KLF12: variants seen among roughly 807,000 people sequenced by gnomAD.
The protein encoded by KLF12 is Krueppel-like factor 12.
In KLF12, 9 loss-of-function variants were observed where a neutral mutation model predicts 37.8. The observed-to-expected ratio is 0.24, with a 90% CI of 0.14 to 0.42. KLF12 has a LOEUF of 0.42. KLF12 is among the 10% of genes least tolerant of loss of function. The pLI is 1.00. For missense variants in KLF12, 411 were observed against 516.0 expected (o/e 0.80, Z 1.97); for synonymous variants, 208 against 202.1 (o/e 1.03, Z -0.25).
chr13:73,863,497 T>C (rs1269005653), intron 3 of KLF12, among the ~76,000 whole-genome samples: 1 of 152,192 alleles, frequency 6.6e-6, no homozygotes, highest in Non-Finnish European at 1.5e-5. Context: ...AATTATTAAA[T>C]GCACACTGCT....
intron 1 of KLF12, among the ~76,000 whole-genome samples, chr13:74,129,763 C>T (rs1369671697): frequency 1.3e-5 from 2 of 151,616 alleles, no homozygotes; most frequent in Admixed American, 6.6e-5. Flanking sequence ...AATCTACTGC[C>T]GACCAAAACA....
At chr13:74,172,780 A>T in the KLF12 span, among the ~76,000 whole-genome samples, 1 of 152,232 alleles carries the variant, frequency 6.6e-6, no homozygotes, top group African/African-American at 2.4e-5. Context: ...CAAGAAGAGC[A>T]TGGGCGACCT....
At chr13:74,016,840 C>A (rs938496463) in intron 1 of KLF12, among the ~76,000 whole-genome samples, 2 of 152,188 alleles carry the variant, frequency 1.3e-5, no homozygotes, top group Non-Finnish European at 2.9e-5. Context: ...ATTCACAGTG[C>A]AGATTCCCAA....
intron 7 of KLF12, among the ~76,000 whole-genome samples, chr13:73,712,752 T>C (rs1875497208): frequency 1.3e-5 from 2 of 152,198 alleles, no homozygotes; most frequent in Admixed American, 6.5e-5. Context: ...TCAGCAGCCA[T>C]CAACACAGAG....
At chr13:74,075,370 T>C (rs773010813) in intron 1 of KLF12, among the ~76,000 whole-genome samples, 4 of 152,188 alleles carry the variant, frequency 2.6e-5, no homozygotes, top group African/African-American at 9.6e-5. Context: ...TAAAATCTGA[T>C]AGCAAGAATG....
chr13:73,874,057 T>C (rs572162524), intron 3 of KLF12, among the ~76,000 whole-genome samples: 5 of 152,320 alleles, frequency 3.3e-5, no homozygotes, highest in Non-Finnish European at 5.9e-5. Flanking sequence ...CGAGGACTGT[T>C]CACAGGGGAG....
chr13:73,755,740 C>A (rs145755663), intron 6 of KLF12, among the ~76,000 whole-genome samples: 2,283 of 151,854 alleles, frequency 0.015, 47 homozygotes, highest in African/African-American at 0.049. Flanking sequence ...GTACACTGTA[C>A]CCTCACCACC....
intron 1 of KLF12, among the ~76,000 whole-genome samples, chr13:74,074,810 T>A (rs1484561674): frequency 1.3e-5 from 2 of 152,090 alleles, no homozygotes; most frequent in Admixed American, 1.3e-4. Context: ...TGGCTAAAGC[T>A]GGCATGTTCC....
At chr13:74,004,318 C>T (rs1219229738) in intron 1 of KLF12, among the ~76,000 whole-genome samples, 1 of 152,182 alleles carries the variant, frequency 6.6e-6, no homozygotes, top group Non-Finnish European at 1.5e-5. Flanking sequence ...GTGCTAGCAA[C>T]TGTTCTAACT....
At chr13:74,094,896 G>A (rs1403931836) in intron 1 of KLF12, among the ~76,000 whole-genome samples, 1 of 151,996 alleles carries the variant, frequency 6.6e-6, no homozygotes, top group East Asian at 1.9e-4. Flanking sequence ...CACCACGCCT[G>A]GCCTCTTTTA....
chr13:74,066,846 A>C (rs4885148), intron 1 of KLF12, among the ~76,000 whole-genome samples: 1 of 152,014 alleles, frequency 6.6e-6, no homozygotes, highest in Non-Finnish European at 1.5e-5. Context: ...CTAGTAGTCA[A>C]CTCTTAAAAA....
chr13:74,047,090 C>G (rs535691088), intron 1 of KLF12, among the ~76,000 whole-genome samples: 25 of 152,226 alleles, frequency 1.6e-4, no homozygotes, highest in Non-Finnish European at 3.4e-4. Context: ...TATTTATCTT[C>G]CGAGAATCCT....
At chr13:73,991,026 A>T (rs889283929) in intron 2 of KLF12, among the ~76,000 whole-genome samples, 5 of 152,028 alleles carry the variant, frequency 3.3e-5, no homozygotes, top group African/African-American at 1.2e-4. Flanking sequence ...TAATGAAGCT[A>T]TTTCTCTCCT....
chr13:73,824,225 C>T (rs1237563381), intron 4 of KLF12, among the ~76,000 whole-genome samples: 2 of 152,100 alleles, frequency 1.3e-5, no homozygotes, highest in African/African-American at 4.8e-5. Context: ...ACAAGAGTTA[C>T]TGTGCGGGCC....
intron 1 of KLF12, among the ~76,000 whole-genome samples, chr13:74,029,280 G>C (rs188382411): frequency 9.9e-5 from 15 of 152,124 alleles, no homozygotes; most frequent in South Asian, 4.1e-4. Flanking sequence ...AAATGTTCTA[G>C]ATCTGCTTTT....
intron 1 of KLF12, among the ~76,000 whole-genome samples, chr13:74,131,211 A>G (rs1188910161): frequency 6.6e-6 from 1 of 152,130 alleles, no homozygotes; most frequent in African/African-American, 2.4e-5. Context: ...AACATCTAAA[A>G]CTCACTGGAG....
At chr13:74,083,445 T>C (rs556389378) in intron 1 of KLF12, among the ~76,000 whole-genome samples, 1 of 150,664 alleles carries the variant, frequency 6.6e-6, no homozygotes, top group East Asian at 2.0e-4. Context: ...AAGTCAAGGC[T>C]GCACTGAACC....
intron 1 of KLF12, among the ~76,000 whole-genome samples, chr13:74,093,742 G>C (rs1319955190): frequency 6.6e-6 from 1 of 151,160 alleles, no homozygotes; most frequent in Non-Finnish European, 1.5e-5. Context: ...TATATATAGT[G>C]AGAGAGCCTG....
At chr13:73,830,054 G>A (rs1320336085) in intron 4 of KLF12, among the ~76,000 whole-genome samples, 2 of 152,140 alleles carry the variant, frequency 1.3e-5, no homozygotes, top group African/African-American at 2.4e-5. Context: ...GCCAAGACAG[G>A]CAAGAAATGT....
Sources: allele counts gnomAD v4.1 joint callset (sites outside exome capture counted in the v4.1 genomes callset), GRCh38; gene constraint gnomAD v4.1.1; transcripts MANE v1.5; gene names NCBI Gene and HGNC (gene_info 2026-07-23, HGNC 2026-07-21).